SNURF: variants seen among roughly 807,000 people sequenced by gnomAD.
SNURF encodes the protein SNRPN upstream open reading frame.
A neutral mutation model predicts 11.6 loss-of-function variants in SNURF; 6 were observed. The observed-to-expected ratio is 0.52, with a 90% CI of 0.28 to 1.02. The LOEUF (loss-of-function observed/expected upper bound fraction) is 1.02, where lower values mean the gene tolerates loss of function less well. Among genes scored for constraint, SNURF ranks in the 50% least tolerant of loss-of-function variants. The probability of loss-of-function intolerance (pLI) is 0.09; values close to 1 mark genes in which losing one functional copy is unlikely to be tolerated. For missense variants in SNURF, 84 were observed against 88.4 expected (o/e 0.95, Z 0.20); for synonymous variants, 29 against 31.6 (o/e 0.92, Z 0.27).
chr15:24,964,144 G>C (rs1266880485), intron 2 of SNURF, among the ~76,000 whole-genome samples: 2 of 151,932 alleles, frequency 1.3e-5, no homozygotes, highest in Non-Finnish European at 2.9e-5. Flanking sequence ...ACTATAGTGA[G>C]TATATTTAAG....
downstream of SNURF, among the ~76,000 whole-genome samples, chr15:24,973,815 G>C (rs2076753540): frequency 6.6e-6 from 1 of 152,124 alleles, no homozygotes; most frequent in Non-Finnish European, 1.5e-5. Flanking sequence ...GAAGTCTTAG[G>C]CAGGTTTATA....
chr15:24,963,734 C>G (rs548890335), intron 2 of SNURF, among the ~76,000 whole-genome samples: 2 of 151,362 alleles, frequency 1.3e-5, no homozygotes, highest in Non-Finnish European at 2.9e-5. Context: ...TTGTTATTTC[C>G]TCATTTTATA....
intron 3 of SNURF, chr15:24,975,253 A>T: frequency 1.1e-6 from 1 of 873,730 alleles, no homozygotes; most frequent in Non-Finnish European, 1.8e-6. Flanking sequence ...TTGTTTAGTT[A>T]AGGAAACCAG....
intron 1 of SNURF, among the ~76,000 whole-genome samples, chr15:24,956,357 G>GGGA (rs528578846): frequency 6.6e-6 from 1 of 151,810 alleles, no homozygotes; most frequent in African/African-American, 2.4e-5. Flanking sequence ...GCTTCAGCGG[G>GGGA]GGGGTGGCCG....
intron 5 of SNURF, chr15:24,976,738 CTTGT>C (rs1428743950): frequency 2.6e-6 from 2 of 759,480 alleles, no homozygotes; most frequent in Non-Finnish European, 4.4e-6. Flanking sequence ...GGTATACTTG[CTTGT>C]TTGTTCATTT....
intron 6 of SNURF, among the ~76,000 whole-genome samples, chr15:24,977,251 G>A (rs1475179010): frequency 6.6e-6 from 1 of 152,180 alleles, no homozygotes; most frequent in East Asian, 1.9e-4. Context: ...AGAGTAACTT[G>A]CCACTAGTGG....
chr15:24,974,260 T>G (rs2076807926), intron 3 of SNURF: 1 of 596,680 alleles, frequency 1.7e-6, no homozygotes, highest in Non-Finnish European at 3.0e-6. Flanking sequence ...TGTCTGCCTG[T>G]TTTAAAACAT....
intron 6 of SNURF, among the ~76,000 whole-genome samples, chr15:24,977,595 G>A (rs1034299840): frequency 2.6e-5 from 4 of 152,010 alleles, no homozygotes; most frequent in African/African-American, 2.4e-5. Context: ...CTGAGATTGC[G>A]CCATTACACT....
intron 2 of SNURF, among the ~76,000 whole-genome samples, chr15:24,964,853 G>C (rs2075382681): frequency 6.6e-6 from 1 of 152,102 alleles, no homozygotes; most frequent in Non-Finnish European, 1.5e-5. Context: ...AGCCTTCTAG[G>C]CATCTTGTCC....
At chr15:24,966,068 C>T (rs1478524595) in intron 2 of SNURF, among the ~76,000 whole-genome samples, 1 of 152,128 alleles carries the variant, frequency 6.6e-6, no homozygotes, top group South Asian at 2.1e-4. Flanking sequence ...GCAATTCTGA[C>T]TACTTGGAGT....
chr15:24,976,935 C>A (rs1294150531), exon 6 of SNURF: 2 of 1,608,758 alleles, frequency 1.2e-6, no homozygotes, highest in Non-Finnish European at 1.7e-6. Flanking sequence ...GTTGGTAGGG[C>A]AGCTGGTAGA....
chr15:24,971,591 G>C (rs1449233416), downstream of SNURF, among the ~76,000 whole-genome samples: 1 of 151,890 alleles, frequency 6.6e-6, no homozygotes, highest in East Asian at 1.9e-4. Flanking sequence ...TAGGTCTTCA[G>C]TTCTTTGGGC....
downstream of SNURF, among the ~76,000 whole-genome samples, chr15:24,971,893 C>T (rs1469341310): frequency 6.6e-6 from 1 of 152,198 alleles, no homozygotes; most frequent in African/African-American, 2.4e-5. Context: ...CTGTCTTGCT[C>T]ATTCACAGTC....
chr15:24,967,880 T>C, intron 2 of SNURF, 52 bp from the exon 3 acceptor site: 1 of 1,452,812 alleles, frequency 6.9e-7, no homozygotes, highest in Non-Finnish European at 9.6e-7. Context: ...TATGGTTTCC[T>C]ATAAAGACAA....
intron 2 of SNURF, among the ~76,000 whole-genome samples, chr15:24,966,220 A>G (rs2075608796): frequency 6.6e-6 from 1 of 152,174 alleles, no homozygotes; most frequent in Admixed American, 6.5e-5. Context: ...ATTTTCTCAG[A>G]CTTTATAATT....
chr15:24,959,672 C>T (rs572573402), intron 1 of SNURF, among the ~76,000 whole-genome samples: 18 of 152,204 alleles, frequency 1.2e-4, no homozygotes, highest in African/African-American at 4.3e-4. Context: ...ACATTATTAG[C>T]TGTATTTGTG....
chr15:24,962,618 G>C (rs1009171887), intron 2 of SNURF, among the ~76,000 whole-genome samples: 1 of 152,010 alleles, frequency 6.6e-6, no homozygotes, highest in Non-Finnish European at 1.5e-5. Flanking sequence ...CATTTATTCT[G>C]TTAAAATTTA....
In SNURF at chr15:24,958,584, C is replaced by T. The variant is rs554712875; in HGVS notation, c.14+3522C>T. The stretch of plus-strand genomic sequence containing the variant: ...TCGAACTGCTAGACTCAAGCTATAT[C>T]CTCTCCCTCCTCAGTCTCTCTCTGG... On this transcript the variant is annotated intron_variant, in intron 1 of 2. Transcript: ENST00000577949. 6.2e-5 allele frequency among the ~76,000 whole-genome samples: 9 copies of T among 144,380 alleles called. No individual in the cohort carries two copies. In the South Asian group the frequency reaches 1.6e-3, roughly 26 times the overall value. The allele number at this position is 144,380 out of a possible 152,430, so 94.7% of individuals were successfully genotyped here. A position where few individuals can be genotyped will look rare whatever the true frequency, so the allele number is the denominator to read the frequency against.
At chr15:24,973,538 C>T (rs2076704509), downstream of SNURF, among the ~76,000 whole-genome samples, 1 of 152,088 alleles carries the variant, frequency 6.6e-6, no homozygotes, top group Admixed American at 6.6e-5. Flanking sequence ...GCTGGGATTA[C>T]AGGCACCCAC....
Sources: allele counts gnomAD v4.1 joint callset (sites outside exome capture counted in the v4.1 genomes callset), GRCh38; gene constraint gnomAD v4.1.1; transcripts MANE v1.5; gene names NCBI Gene and HGNC (gene_info 2026-07-23, HGNC 2026-07-21).